The following GAS7 variants were observed in gnomAD, a reference collection of about 807,000 sequenced individuals.
GAS7 encodes the protein growth arrest-specific protein 7.
Under a neutral mutation model 71.1 loss-of-function variants are expected in GAS7, and 28 were observed. That is an observed-to-expected ratio of 0.39 (90% CI 0.29 to 0.54). GAS7 has a LOEUF of 0.54. GAS7 is among the 20% of genes least tolerant of loss of function. The probability of loss-of-function intolerance (pLI) is 0.62; values close to 1 mark genes in which losing one functional copy is unlikely to be tolerated. For missense variants in GAS7, 436 were observed against 627.8 expected (o/e 0.69, Z 3.27); for synonymous variants, 258 against 245.8 (o/e 1.05, Z -0.46).
At chr17:9,940,866 A>G (rs1160062870) in intron 7 of GAS7, among the ~76,000 whole-genome samples, 4 of 152,202 alleles carry the variant, frequency 2.6e-5, no homozygotes, top group Admixed American at 1.3e-4. Flanking sequence ...TGGCACGTCC[A>G]TGTTAAGCAT....
At chr17:10,010,348 T>G (rs1346882969) in intron 2 of GAS7, among the ~76,000 whole-genome samples, 1 of 152,044 alleles carries the variant, frequency 6.6e-6, no homozygotes, top group Non-Finnish European at 1.5e-5. Context: ...GAGACAGGGT[T>G]TCACCGTGTT....
At chr17:10,112,506 T>G (rs550077556) in intron 1 of GAS7, among the ~76,000 whole-genome samples, 10 of 152,092 alleles carry the variant, frequency 6.6e-5, no homozygotes, top group Admixed American at 5.9e-4. Context: ...GAGGCTGAGG[T>G]GGGTGGATCA....
rs535061230 is a variant in GAS7, at chr17:10,082,243, C to T, written c.184-62346G>A. ...TAAACATGCTCATGGGAAACACATA[C>T]CAACCCCAGAACAGTGGTTGCCTCC... On this transcript the variant is annotated intron_variant, in intron 1 of 13. Coordinates refer to ENST00000432992, the MANE Select transcript of GAS7 (RefSeq NM_201433.2). Among the ~76,000 whole-genome samples, 205 of 152,200 alleles carry T rather than the reference C, an allele frequency of 1.3e-3. 1 individual carries two copies. The highest frequency in any genetic ancestry group is 2.2e-3 in the Non-Finnish European group (148 of 68,008).
chr17:9,923,181 A>G (rs2067879414), intron 11 of GAS7, among the ~76,000 whole-genome samples: 1 of 152,156 alleles, frequency 6.6e-6, no homozygotes, highest in East Asian at 1.9e-4. Context: ...TGCTGGGATT[A>G]CAGGCGTGAG....
Position 9,969,672 on chromosome 17 carries a change from C to CT in GAS7, c.471+4dup. On this transcript the variant is annotated splice_donor_region_variant and intron_variant, in intron 4 of 13. Transcript: ENST00000432992. This position sits in a 1 kb window ranked among gnomAD's most constrained non-coding sequence, Gnocchi z 5.5. The stretch of plus-strand genomic sequence containing the variant: ...CGCTATACCTCCCTCAACAGGACCC[C>CT]TTACCTGGGAATCACCGGTGGATTT... 1 of 1,584,376 alleles carries CT rather than the reference C, an allele frequency of 6.3e-7. No homozygotes were observed. Among genetic ancestry groups the CT allele is most frequent in the African/African-American group, 1.3e-5 (1 of 74,490 alleles).
intron 1 of GAS7, among the ~76,000 whole-genome samples, chr17:10,111,225 A>AC (rs1321155158): frequency 6.6e-6 from 1 of 151,716 alleles, no homozygotes; most frequent in Non-Finnish European, 1.5e-5. Flanking sequence ...ACATGGTGAA[A>AC]CCCCGTCTCT....
chr17:10,124,394 C>T (rs1213870449), intron 1 of GAS7, among the ~76,000 whole-genome samples: 3 of 152,184 alleles, frequency 2.0e-5, no homozygotes, highest in Non-Finnish European at 4.4e-5. Flanking sequence ...CAACACAGTT[C>T]CTTACTAAAT....
At chr17:10,018,432 T>C (rs776512206) in intron 2 of GAS7, among the ~76,000 whole-genome samples, 17 of 152,196 alleles carry the variant, frequency 1.1e-4, no homozygotes, top group Admixed American at 2.0e-4. Flanking sequence ...GATCTCATGA[T>C]CCTACGGTCC....
chr17:10,194,858 C>CAAAAAA (rs5819269), intron 1 of GAS7, among the ~76,000 whole-genome samples: 4 of 85,190 alleles, frequency 4.7e-5, no homozygotes, highest in Non-Finnish European at 7.9e-5. Context: ...GACTCTGTCT[C>CAAAAAA]AAAAAAAAAA....
intron 2 of GAS7, among the ~76,000 whole-genome samples, chr17:9,982,742 C>A (rs1252389037): frequency 1.3e-5 from 2 of 149,538 alleles, no homozygotes; most frequent in African/African-American, 2.5e-5. Context: ...TGCCACTGCA[C>A]TCCAGCCTGG....
intron 2 of GAS7, among the ~76,000 whole-genome samples, chr17:10,016,625 C>A (rs201650542): frequency 0.024 from 2,574 of 109,018 alleles, 39 homozygotes; most frequent in East Asian, 0.083. Flanking sequence ...AAAAAAAAAA[C>A]AAAACAAAAA....
intron 1 of GAS7, among the ~76,000 whole-genome samples, chr17:10,032,897 C>A (rs780508131): frequency 3.9e-5 from 6 of 152,122 alleles, no homozygotes; most frequent in Non-Finnish European, 7.4e-5. Flanking sequence ...AAGTGATATA[C>A]CAAAAATTGG....
chr17:10,078,339 G>A (rs969065760), intron 1 of GAS7, among the ~76,000 whole-genome samples: 1 of 152,142 alleles, frequency 6.6e-6, no homozygotes, highest in Admixed American at 6.6e-5. Flanking sequence ...AGATCAACCT[G>A]CCTCAGCCTC....
In GAS7 at chr17:10,009,501, C is replaced by T. The variant is rs9906715; in HGVS notation, c.304+10276G>A. 3.0e-3 allele frequency among the ~76,000 whole-genome samples: 454 copies of T among 151,954 alleles called. 1 individual carries two copies. Among genetic ancestry groups the T allele is most frequent in the African/African-American group, 0.011 (437 of 41,476 alleles). On this transcript the variant is annotated intron_variant, in intron 2 of 13. Coordinates refer to ENST00000432992, the MANE Select transcript of GAS7 (RefSeq NM_201433.2). ...CATCCTGGTTTAGTCCTCCAAGCTTCGCTCACAAACATAACACATTTATAG... is the reference window on the plus strand; with the variant it reads ...CATCCTGGTTTAGTCCTCCAAGCTTTGCTCACAAACATAACACATTTATAG...
chr17:9,966,459 G>A (rs534127533), intron 4 of GAS7, among the ~76,000 whole-genome samples: 6 of 152,222 alleles, frequency 3.9e-5, no homozygotes, highest in East Asian at 3.9e-4. Context: ...CCCACATGCC[G>A]CATCTCAAGT....
chr17:10,036,555 C>A, intron 1 of GAS7: 2 of 1,570,052 alleles, frequency 1.3e-6, no homozygotes, highest in East Asian at 4.6e-5. Flanking sequence ...GCAGCCTCTC[C>A]GGGAAATGGG....
chr17:10,068,470 T>A (rs911592255), intron 1 of GAS7, among the ~76,000 whole-genome samples: 2 of 152,030 alleles, frequency 1.3e-5, no homozygotes, highest in African/African-American at 4.8e-5. Flanking sequence ...TGGTAAAGAC[T>A]TATGGCCAGA....
intron 1 of GAS7, among the ~76,000 whole-genome samples, chr17:10,164,247 C>A (rs980760235): frequency 6.6e-6 from 1 of 151,800 alleles, no homozygotes; most frequent in African/African-American, 2.4e-5. Flanking sequence ...TCGAGACCAT[C>A]CCTGGCAAAC....
At chr17:10,044,022 TAA>T (rs1435441603) in intron 1 of GAS7, among the ~76,000 whole-genome samples, 1 of 152,366 alleles carries the variant, frequency 6.6e-6, no homozygotes, top group East Asian at 1.9e-4. Flanking sequence ...ATCATCTGTT[TAA>T]AAGATGAAAC....
Sources: gnomAD v4.1 joint callset for allele counts (sites outside exome capture counted in the v4.1 genomes callset) on GRCh38, gnomAD v4.1.1 for gene constraint, Gnocchi (gnomAD v3.1) non-coding constraint, MANE v1.5 for transcripts, NCBI Gene and HGNC (gene_info 2026-07-23, HGNC 2026-07-21) for gene names.